Variants in OR9Q1 observed in about 807,000 individuals in gnomAD.
OR9Q1 encodes the protein olfactory receptor 9Q1.
For synonymous variants in OR9Q1, 153 were observed against 148.6 expected (o/e 1.03, Z -0.22); for missense variants, 374 against 378.8 (o/e 0.99, Z 0.11).
chr11:58,103,257 T>C (rs1467987130), intron 2 of OR9Q1, among the ~76,000 whole-genome samples: 1 of 152,082 alleles, frequency 6.6e-6, no homozygotes. Flanking sequence ...TAAAACTATC[T>C]GATCTCATGA....
rs566027069 is a variant in OR9Q1, at chr11:58,090,445, A to C, written c.-15+34498A>C. Among the ~76,000 whole-genome samples the C allele has an allele frequency of 2.9e-4, 44 of 152,292 alleles. No individual in the cohort carries two copies. The South Asian group carries it at 9.1e-3, about 32-fold the overall frequency. ...TGGTTCTGTTTATGTGATGGATTAC[A>C]TTTATTGATTTGCATATGTTGAACC... On this transcript the variant is annotated intron_variant, in intron 2 of 2. Coordinates refer to ENST00000335397, the MANE Select transcript of OR9Q1 (RefSeq NM_001005212.4).
chr11:58,109,564 CTG>C (rs1043914758), intron 2 of OR9Q1: 1 of 457,402 alleles, frequency 2.2e-6, no homozygotes, highest in Non-Finnish European at 4.4e-6. Context: ...AAGATAGAAA[CTG>C]AGAAACACTA....
intron 2 of OR9Q1, chr11:58,078,239 T>C (rs1207061670): frequency 6.6e-6 from 1 of 152,146 alleles, no homozygotes; most frequent in African/African-American, 2.4e-5. Context: ...TCATGGCTTG[T>C]AGTGTGGGGC....
At chr11:58,128,412 T>C (rs1354022636) in intron 2 of OR9Q1, among the ~76,000 whole-genome samples, 1 of 152,092 alleles carries the variant, frequency 6.6e-6, no homozygotes, top group Non-Finnish European at 1.5e-5. Context: ...CAAATCCAAG[T>C]ATCCACGAGG....
At chr11:58,031,354 C>T in intron 1 of OR9Q1, 1 of 1,614,174 alleles carries the variant, frequency 6.2e-7, no homozygotes, top group Non-Finnish European at 8.5e-7. Flanking sequence ...GTATGCCTCT[C>T]CACTATGGGG....
chr11:58,106,545 G>C (rs1178360595), intron 2 of OR9Q1, among the ~76,000 whole-genome samples: 2 of 151,814 alleles, frequency 1.3e-5, no homozygotes, highest in African/African-American at 4.8e-5. Flanking sequence ...TTGTGTTTTT[G>C]GTGTCATTAT....
intron 2 of OR9Q1, among the ~76,000 whole-genome samples, chr11:58,113,480 C>T (rs181163430): frequency 3.9e-5 from 6 of 152,154 alleles, no homozygotes; most frequent in African/African-American, 9.7e-5. Context: ...CTCATTACCC[C>T]CCTCATTGTA....
intron 2 of OR9Q1, among the ~76,000 whole-genome samples, chr11:58,154,720 TA>T (rs1854389793): frequency 6.6e-6 from 1 of 152,202 alleles, no homozygotes; most frequent in African/African-American, 2.4e-5. Flanking sequence ...TGTACCCCAT[TA>T]ATGTGTACAA....
chr11:58,145,776 T>C (rs1854294192), intron 2 of OR9Q1, among the ~76,000 whole-genome samples: 1 of 152,178 alleles, frequency 6.6e-6, no homozygotes, highest in African/African-American at 2.4e-5. Context: ...TTCTCAGCTA[T>C]TCGGATTTTT....
intron 2 of OR9Q1, among the ~76,000 whole-genome samples, chr11:58,152,904 G>A (rs1356424536): frequency 6.6e-6 from 1 of 152,088 alleles, no homozygotes; most frequent in Non-Finnish European, 1.5e-5. Context: ...CCATCTCTCT[G>A]AGAGATTGCT....
At chr11:58,103,788 T>C (rs923264759) in intron 2 of OR9Q1, among the ~76,000 whole-genome samples, 3 of 152,328 alleles carry the variant, frequency 2.0e-5, no homozygotes, top group East Asian at 3.9e-4. Flanking sequence ...AGGATGTCAA[T>C]TGGGCAGAGT....
intron 2 of OR9Q1, among the ~76,000 whole-genome samples, chr11:58,165,121 G>T (rs1854488989): frequency 6.6e-6 from 1 of 152,156 alleles, no homozygotes; most frequent in Non-Finnish European, 1.5e-5. Flanking sequence ...AAGAATGCAA[G>T]CTCATAGGAG....
chr11:58,094,997 T>C (rs113158291), intron 2 of OR9Q1, among the ~76,000 whole-genome samples: 3 of 152,264 alleles, frequency 2.0e-5, no homozygotes, highest in African/African-American at 4.8e-5. Flanking sequence ...TTCGTCAATT[T>C]TGTTGAGTAA....
chr11:58,137,013 T>G (rs897666863), intron 2 of OR9Q1, among the ~76,000 whole-genome samples: 1 of 152,204 alleles, frequency 6.6e-6, no homozygotes, highest in Non-Finnish European at 1.5e-5. Context: ...ATGCACTGTC[T>G]TTCCAGAACC....
At position 58,071,658 on chromosome 11, in the gene OR9Q1, C is replaced by CAACAACATACTACGAG. The variant is rs1250091813; in HGVS notation, c.-15+15717_-15+15732dup. On this transcript the variant is annotated intron_variant, in intron 2 of 2. Coordinates refer to ENST00000335397, the MANE Select transcript of OR9Q1 (RefSeq NM_001005212.4). The stretch of plus-strand genomic sequence containing the variant: ...GACCAAGGGCTGTGGATGAGCCTCA[C>CAACAACATACTACGAG]AACAACATACTACGAGAACAAACTT... 3.9e-5 allele frequency among the ~76,000 whole-genome samples: 6 copies of CAACAACATACTACGAG among 152,242 alleles called. No individual in the cohort carries two copies. In the East Asian group the frequency reaches 1.2e-3, roughly 29 times the overall value.
chr11:58,110,114 G>T lies in OR9Q1; in HGVS notation c.-15+54167G>T, dbSNP rs185975671. On this transcript the variant is annotated intron_variant, in intron 2 of 2. Transcript: ENST00000335397. ...ATGTCATGTGAATGGTGCCTCCAGGGTTGTCAGTGGCAGAGCTCTTTATGT... is the reference window on the plus strand; with the variant it reads ...ATGTCATGTGAATGGTGCCTCCAGGTTTGTCAGTGGCAGAGCTCTTTATGT... Among the ~76,000 whole-genome samples the T allele has an allele frequency of 3.9e-4, 60 of 152,266 alleles. No individual in the cohort carries two copies. In the East Asian group the frequency reaches 0.01, roughly 25 times the overall value.
intron 1 of OR9Q1, among the ~76,000 whole-genome samples, chr11:58,024,771 AGTGTGACTGT>A: frequency 6.6e-6 from 1 of 152,220 alleles, no homozygotes; most frequent in South Asian, 2.1e-4. Flanking sequence ...TAGCCCTGGG[AGTGTGACTGT>A]GCTTTGCAGC....
At chr11:58,087,260 A>G (rs1011713661) in intron 2 of OR9Q1, among the ~76,000 whole-genome samples, 3 of 151,814 alleles carry the variant, frequency 2.0e-5, no homozygotes, top group African/African-American at 7.3e-5. Context: ...TCAAGACTCA[A>G]TACATCATCA....
intron 1 of OR9Q1, chr11:58,031,446 A>C (rs775972156): frequency 6.2e-7 from 1 of 1,613,884 alleles, no homozygotes; most frequent in Non-Finnish European, 8.5e-7. Flanking sequence ...TTGCCAATCT[A>C]CCTCTTGTCT....
Sources: allele counts gnomAD v4.1 joint callset (sites outside exome capture counted in the v4.1 genomes callset), GRCh38; gene constraint gnomAD v4.1.1; transcripts MANE v1.5; gene names NCBI Gene and HGNC (gene_info 2026-07-23, HGNC 2026-07-21).